The following ANO6 variants were observed in gnomAD, a reference collection of about 807,000 sequenced individuals.
ANO6 encodes anoctamin 6, also known as anoctamin-6.
Under a neutral mutation model 117.5 loss-of-function variants are expected in ANO6, and 106 were observed. The observed-to-expected ratio is 0.90, with a 90% CI of 0.77 to 1.06. The LOEUF is 1.06. Among genes scored for constraint, ANO6 ranks in the 50% least tolerant of loss-of-function variants. ANO6 has a pLI of 0.00. For synonymous variants in ANO6, 367 were observed against 385.1 expected, an observed-to-expected ratio of 0.95 and a Z score of 0.55; for missense variants, 955 against 1,121.1, an observed-to-expected ratio of 0.85 and a Z score of 2.12.
chr12:45,317,042 G>C (rs966074954), intron 2 of ANO6, among the ~76,000 whole-genome samples: 1 of 142,688 alleles, frequency 7.0e-6, no homozygotes, highest in Non-Finnish European at 1.5e-5. Flanking sequence ...TTCTAAAACA[G>C]TAAGAAGGGT....
intron 2 of ANO6, among the ~76,000 whole-genome samples, chr12:45,326,541 G>A (rs1216351072): frequency 6.6e-6 from 1 of 152,142 alleles, no homozygotes; most frequent in Admixed American, 6.6e-5. Flanking sequence ...AAATTAGCAT[G>A]CCACATTCCA....
chr12:45,273,599 G>T (rs1235728256), intron 1 of ANO6, among the ~76,000 whole-genome samples: 4 of 152,294 alleles, frequency 2.6e-5, no homozygotes, highest in African/African-American at 9.6e-5. Flanking sequence ...GATTGCTATT[G>T]ATTTTCTTCT....
chr12:45,249,543 A>T (rs1463689857), intron 1 of ANO6, among the ~76,000 whole-genome samples: 3 of 152,218 alleles, frequency 2.0e-5, no homozygotes, highest in Admixed American at 6.5e-5. Flanking sequence ...TAAATAATTC[A>T]TTGGTAGGGC....
At chr12:45,311,277 A>G (rs1183408468) in intron 2 of ANO6, among the ~76,000 whole-genome samples, 1 of 152,114 alleles carries the variant, frequency 6.6e-6, no homozygotes, top group Non-Finnish European at 1.5e-5. Context: ...CAGCTGTTTA[A>G]GTAAATAGCC....
intron 1 of ANO6, among the ~76,000 whole-genome samples, chr12:45,272,073 A>G (rs1044333364): frequency 2.0e-5 from 3 of 152,202 alleles, no homozygotes; most frequent in African/African-American, 4.8e-5. Context: ...AAAGCAAATC[A>G]ATTTAGTTGG....
intron 7 of ANO6, 39 bp downstream of exon 7, chr12:45,350,813 A>G (rs751729255): frequency 3.3e-6 from 5 of 1,498,688 alleles, no homozygotes; most frequent in Non-Finnish European, 4.6e-6. Flanking sequence ...GGAGGCACTC[A>G]GGGTGTTACC....
At chr12:45,242,340 C>G (rs969764864) in intron 1 of ANO6, among the ~76,000 whole-genome samples, 3 of 152,244 alleles carry the variant, frequency 2.0e-5, no homozygotes, top group Non-Finnish European at 2.9e-5. Flanking sequence ...GACTGCCGCA[C>G]TAGCAGTGAG....
chr12:45,244,692 G>A (rs1263415925), intron 1 of ANO6, among the ~76,000 whole-genome samples: 1 of 152,134 alleles, frequency 6.6e-6, no homozygotes, highest in Non-Finnish European at 1.5e-5. Flanking sequence ...GAAACTGAAA[G>A]TCTCAGTTTT....
At position 45,333,009 on chromosome 12, in the gene ANO6, A is replaced by G. The variant is rs116480084; in HGVS notation, c.279+1586A>G. 9.2e-3 allele frequency among the ~76,000 whole-genome samples: 1,401 copies of G among 152,014 alleles called. 26 individuals carry two copies. Among genetic ancestry groups the G allele is most frequent in the African/African-American group, 0.032 (1,320 of 41,466 alleles). On this transcript the variant is annotated intron_variant, in intron 3 of 19. Transcript: ENST00000320560. Reference sequence around the variant, plus strand: ...ACATCTCTAAAATCAGTTGGATCTTACAAATGCTGTATCATAATTTCATTG... The same window carrying G: ...ACATCTCTAAAATCAGTTGGATCTTGCAAATGCTGTATCATAATTTCATTG...
chr12:45,260,607 A>G (rs532964326), intron 1 of ANO6, among the ~76,000 whole-genome samples: 7 of 152,278 alleles, frequency 4.6e-5, no homozygotes, highest in Non-Finnish European at 7.4e-5. Context: ...GCTCTCTGGG[A>G]TGCATGAATT....
chr12:45,341,437 C>A (rs1940975816), intron 3 of ANO6, among the ~76,000 whole-genome samples: 1 of 152,154 alleles, frequency 6.6e-6, no homozygotes, highest in Non-Finnish European at 1.5e-5. Context: ...AGAATATTAT[C>A]AAGCTCTTAA....
intron 2 of ANO6, among the ~76,000 whole-genome samples, chr12:45,317,975 T>C (rs1156368087): frequency 6.6e-6 from 1 of 152,168 alleles, no homozygotes; most frequent in Non-Finnish European, 1.5e-5. Context: ...GGTTGTTTGT[T>C]TGTTTTCTTG....
chr12:45,333,373 A>G (rs546647786), intron 3 of ANO6, among the ~76,000 whole-genome samples: 17 of 152,184 alleles, frequency 1.1e-4, no homozygotes, highest in African/African-American at 2.4e-4. Context: ...CACCATCATC[A>G]AATATTCATT....
intron 19 of ANO6, among the ~76,000 whole-genome samples, chr12:45,426,559 C>T (rs1943508436): frequency 6.6e-6 from 1 of 152,124 alleles, no homozygotes; most frequent in African/African-American, 2.4e-5. Context: ...CCACCACTTC[C>T]CCAACCCTCC....
At chr12:45,242,046 G>A (rs187545415) in intron 1 of ANO6, among the ~76,000 whole-genome samples, 52 of 152,302 alleles carry the variant, frequency 3.4e-4, no homozygotes, top group African/African-American at 9.1e-4. Flanking sequence ...TTGTGGAGGC[G>A]GTCTGTCCAT....
In ANO6 at chr12:45,432,032, T is replaced by C. The variant is rs1565780347; in HGVS notation, c.*2721T>C. 1.0e-6 allele frequency: 1 copy of C among 985,240 alleles called. No individual in the cohort carries two copies. The highest frequency in any genetic ancestry group is 1.2e-6 in the Non-Finnish European group (1 of 829,874). 61.0% of individuals were successfully genotyped at this position (985,240 alleles called of 1,614,324 possible). A position where few individuals can be genotyped will look rare whatever the true frequency, so the allele number is the denominator to read the frequency against. On this transcript the variant is annotated 3_prime_UTR_variant, in exon 20 of 20. Coordinates refer to ENST00000320560, the MANE Select transcript of ANO6 (RefSeq NM_001025356.3). ...TATAAACTGTCACCAAAGTCTTCCC[T>C]TTTTTATTGCATGTGTGCCTTGAAT...
chr12:45,368,362 T>C (rs1180286110), intron 9 of ANO6, among the ~76,000 whole-genome samples: 3 of 152,258 alleles, frequency 2.0e-5, no homozygotes, highest in Middle Eastern at 3.2e-3. Context: ...TCTGTACTTC[T>C]GTTTTCCCCC....
intron 8 of ANO6, among the ~76,000 whole-genome samples, chr12:45,363,052 C>G (rs1263668292): frequency 6.6e-6 from 1 of 152,000 alleles, no homozygotes; most frequent in Non-Finnish European, 1.5e-5. Context: ...CTGAAGGACT[C>G]TCTTAGTATA....
At chr12:45,404,880 A>G (rs1290185705) in intron 15 of ANO6, among the ~76,000 whole-genome samples, 1 of 150,000 alleles carries the variant, frequency 6.7e-6, no homozygotes. Context: ...TTCTTCTCCT[A>G]CTCCTGGCTT....
Sources: gnomAD v4.1 joint callset for allele counts (sites outside exome capture counted in the v4.1 genomes callset) on GRCh38, gnomAD v4.1.1 for gene constraint, MANE v1.5 for transcripts, NCBI Gene and HGNC (gene_info 2026-07-23, HGNC 2026-07-21) for gene names.